Variants in SLC30A10 observed in about 807,000 individuals in gnomAD.
SLC30A10 encodes calcium/manganese antiporter SLC30A10.
In SLC30A10, 8 loss-of-function variants were observed where a neutral mutation model predicts 21.7. The ratio of observed to expected loss-of-function variants is 0.37; its 90% CI spans 0.22 to 0.67. SLC30A10 has a LOEUF of 0.67. Among genes scored for constraint, SLC30A10 ranks in the 30% least tolerant of loss-of-function variants. The pLI, the probability that SLC30A10 is intolerant of heterozygous loss-of-function variation, is 0.58. For synonymous variants in SLC30A10, 272 were observed against 279.4 expected, an observed-to-expected ratio of 0.97 and a Z score of 0.26; for missense variants, 521 against 642.5, an observed-to-expected ratio of 0.81 and a Z score of 2.04.
rs560106231 is a variant in SLC30A10, at chr1:219,948,944, C to T, written n.80+9624G>A. On this transcript the variant is annotated intron_variant and non_coding_transcript_variant, in intron 1 of 8. Transcript: ENST00000484239. The stretch of plus-strand genomic sequence containing the variant: ...AAAAACAACCCCATCAAAAAGTGGG[C>T]GAAGGACATGAACAGACACTTCTCA... Among the ~76,000 whole-genome samples the T allele has an allele frequency of 1.5e-4, 23 of 152,066 alleles. No homozygotes were observed. In the East Asian group the frequency reaches 2.7e-3, roughly 18 times the overall value.
intron 1 of SLC30A10, among the ~76,000 whole-genome samples, chr1:219,945,080 C>T (rs1470531860): frequency 2.0e-5 from 3 of 152,120 alleles, no homozygotes; most frequent in Non-Finnish European, 4.4e-5. Flanking sequence ...TCAAAGGTCA[C>T]ATATGTATGA....
At chr1:219,923,204 T>C (rs994645411) in intron 2 of SLC30A10, among the ~76,000 whole-genome samples, 3 of 152,194 alleles carry the variant, frequency 2.0e-5, no homozygotes, top group Admixed American at 6.6e-5. Context: ...TTCAGAAAGA[T>C]AAATCTGGCA....
At chr1:219,937,133 G>A (rs941522283) in intron 1 of SLC30A10, among the ~76,000 whole-genome samples, 4 of 152,124 alleles carry the variant, frequency 2.6e-5, no homozygotes, top group African/African-American at 7.2e-5. Flanking sequence ...AAATTCATAA[G>A]TTCGTGTTTT....
In SLC30A10 at chr1:219,912,821, A is replaced by G. The variant is rs1009980227; in HGVS notation, c.*2628T>C. On this transcript the variant is annotated 3_prime_UTR_variant, in exon 4 of 4. Coordinates refer to ENST00000366926, the MANE Select transcript of SLC30A10 (RefSeq NM_018713.3). The stretch of plus-strand genomic sequence containing the variant: ...TGCACTCCAGCCTGGGCGACAGAGC[A>G]AGACTCCGTCTCAAAGAAACAAACA... 4.0e-5 allele frequency among the ~76,000 whole-genome samples: 6 copies of G among 151,342 alleles called. No homozygotes were observed. Among genetic ancestry groups the G allele is most frequent in the Admixed American group, 2.0e-4 (3 of 15,106 alleles).
chr1:219,911,020 A>G lies in SLC30A10; in HGVS notation c.*4429T>C, dbSNP rs1221069616. Reference sequence around the variant, plus strand: ...ACCTGTGGCTACTCAAGGGTAAATAAACTAAGAAGCACAAATACGTGACAC... The same window carrying G: ...ACCTGTGGCTACTCAAGGGTAAATAGACTAAGAAGCACAAATACGTGACAC... On this transcript the variant is annotated 3_prime_UTR_variant, in exon 4 of 4. Coordinates refer to ENST00000366926, the MANE Select transcript of SLC30A10 (RefSeq NM_018713.3). Among the ~76,000 whole-genome samples the G allele has an allele frequency of 6.6e-6, 1 of 152,138 alleles. No individual in the cohort carries two copies. Among genetic ancestry groups the G allele is most frequent in the African/African-American group, 2.4e-5 (1 of 41,434 alleles).
At chr1:219,921,209 GA>G (rs1659668669) in intron 2 of SLC30A10, among the ~76,000 whole-genome samples, 1 of 152,146 alleles carries the variant, frequency 6.6e-6, no homozygotes, top group Non-Finnish European at 1.5e-5. Flanking sequence ...CATTTCTCTG[GA>G]GTGATGAGTC....
chr1:219,944,105 A>C (rs1240751090), intron 1 of SLC30A10, among the ~76,000 whole-genome samples: 1 of 147,966 alleles, frequency 6.8e-6, no homozygotes, highest in Non-Finnish European at 1.5e-5. Flanking sequence ...TCTCAAAAAA[A>C]AAAAACCTTC....
At chr1:219,924,710 T>C (rs1051921728) in intron 2 of SLC30A10, among the ~76,000 whole-genome samples, 1 of 152,228 alleles carries the variant, frequency 6.6e-6, no homozygotes, top group African/African-American at 2.4e-5. Context: ...TTAATGTGAC[T>C]ACCAGTTCAC....
chr1:219,952,909 T>G (rs1384230890), intron 1 of SLC30A10, among the ~76,000 whole-genome samples: 1 of 152,180 alleles, frequency 6.6e-6, no homozygotes, highest in Non-Finnish European at 1.5e-5. Flanking sequence ...TTAATCTTTC[T>G]TATTTACTCC....
intron 1 of SLC30A10, among the ~76,000 whole-genome samples, chr1:219,948,381 C>A (rs1157000516): frequency 4.6e-5 from 7 of 152,076 alleles, no homozygotes; most frequent in African/African-American, 1.7e-4. Context: ...GCTACAGTAA[C>A]CAAAACAGCA....
chr1:219,940,082 C>T (rs1660101068), intron 1 of SLC30A10, among the ~76,000 whole-genome samples: 1 of 152,228 alleles, frequency 6.6e-6, no homozygotes, highest in Non-Finnish European at 1.5e-5. Context: ...GTGCTTGACA[C>T]TCCTTCCATC....
In SLC30A10 at chr1:219,914,442, T is replaced by C. The variant is rs944471365; in HGVS notation, c.*1007A>G. On this transcript the variant is annotated 3_prime_UTR_variant, in exon 4 of 4. Transcript: ENST00000366926. ...TCATTGAGTTACTAGTTGACAACTA[T>C]AATAAATACTTTAAAATATGTCTAA... 11 of 152,240 alleles carry C rather than the reference T, an allele frequency of 7.2e-5. No individual in the cohort carries two copies. Among genetic ancestry groups the C allele is most frequent in the African/African-American group, 2.4e-4 (10 of 41,468 alleles). The allele number at this position is 152,240 out of a possible 1,614,324, so 9.4% of individuals were successfully genotyped here.
chr1:219,952,573 GA>G (rs11329630), intron 1 of SLC30A10, among the ~76,000 whole-genome samples: 129,424 of 152,140 alleles, frequency 0.85, 55,452 homozygotes, highest in African/African-American at 0.96. Context: ...TATGATTGTG[GA>G]ATTTGTCTGA....
intron 1 of SLC30A10, among the ~76,000 whole-genome samples, chr1:219,945,620 A>G (rs1422467196): frequency 1.3e-5 from 2 of 152,220 alleles, no homozygotes; most frequent in Non-Finnish European, 2.9e-5. Context: ...ATATTATCTA[A>G]TTAGCATTGC....
chr1:219,917,362 T>A (rs1190446690), intron 3 of SLC30A10, among the ~76,000 whole-genome samples: 1 of 152,092 alleles, frequency 6.6e-6, no homozygotes, highest in Non-Finnish European at 1.5e-5. Flanking sequence ...TATCACAAAT[T>A]TCTTTGTATA....
Position 219,922,158 on chromosome 1 carries a change from TTG to T in SLC30A10, c.719-3666_719-3665del, listed in dbSNP as rs139669169. ...TAAAAGAATTTTTTTACCTTCTTGT[TTG>T]TGTGTGTGTGTGTGTGTTTTTTTTT... On this transcript the variant is annotated intron_variant, in intron 2 of 3. Transcript: ENST00000366926. 4.4e-4 allele frequency among the ~76,000 whole-genome samples: 19 copies of T among 42,894 alleles called. 1 individual carries two copies. Among genetic ancestry groups the T allele is most frequent in the East Asian group, 8.5e-4 (1 of 1,182 alleles). The allele number at this position is 42,894 out of a possible 152,430, so 28.1% of individuals were successfully genotyped here. A position where few individuals can be genotyped will look rare whatever the true frequency, so the allele number is the denominator to read the frequency against.
chr1:219,924,580 C>A (rs1012181034), intron 2 of SLC30A10, among the ~76,000 whole-genome samples: 1 of 152,176 alleles, frequency 6.6e-6, no homozygotes, highest in Middle Eastern at 3.2e-3. Context: ...CTCCTATTAG[C>A]CACAGTACAG....
rs539945865 is a variant in SLC30A10, at chr1:219,937,687, G to A, written n.81-10582C>T. ...AAATTAGTCAGGCGTGCTGGTGTGT[G>A]CCTTTAATCCCAGCTACTCGGGAGG... is the stretch of plus-strand genomic sequence containing the variant. On this transcript the variant is annotated intron_variant and non_coding_transcript_variant, in intron 1 of 8. Transcript: ENST00000484239. 2.0e-4 allele frequency among the ~76,000 whole-genome samples: 31 copies of A among 152,308 alleles called. No individual in the cohort carries two copies. The East Asian group carries it at 4.8e-3, about 24-fold the overall frequency.
upstream of SLC30A10, among the ~76,000 whole-genome samples, chr1:219,933,587 A>C (rs79897220): frequency 0.12 from 18,654 of 152,172 alleles, 1,282 homozygotes; most frequent in East Asian, 0.28. Context: ...TGAGGTTGTC[A>C]TGAGACTTAA....
Sources: gnomAD v4.1 joint callset for allele counts (sites outside exome capture counted in the v4.1 genomes callset) on GRCh38, gnomAD v4.1.1 for gene constraint, MANE v1.5 for transcripts, NCBI Gene and HGNC (gene_info 2026-07-23, HGNC 2026-07-21) for gene names.